The following PPP1R9A variants were observed in gnomAD, a reference collection of about 807,000 sequenced individuals.
PPP1R9A encodes neurabin-1.
PPP1R9A carries 59 observed loss-of-function variants against 141.9 expected under a neutral mutation model. That is an observed-to-expected ratio of 0.42 (90% CI 0.34 to 0.52). PPP1R9A has a LOEUF of 0.52. PPP1R9A is among the 20% of genes least tolerant of loss of function. The probability of loss-of-function intolerance (pLI) is 0.10; values close to 1 mark genes in which losing one functional copy is unlikely to be tolerated. For synonymous variants in PPP1R9A, 500 were observed against 569.7 expected (o/e 0.88, Z 1.74); for missense variants, 1,444 against 1,611.9 (o/e 0.90, Z 1.78).
chr7:94,919,755 A>T (rs904514211), intron 2 of PPP1R9A, among the ~76,000 whole-genome samples: 6 of 152,096 alleles, frequency 3.9e-5, no homozygotes, highest in African/African-American at 7.2e-5. Context: ...TATTTAGTTT[A>T]CTATGTATTG....
At chr7:95,145,805 C>G (rs1365321751) in intron 4 of PPP1R9A, among the ~76,000 whole-genome samples, 3 of 152,162 alleles carry the variant, frequency 2.0e-5, no homozygotes, top group African/African-American at 7.2e-5. Context: ...ACAGCTTCAT[C>G]CATGTCCCTG....
At chr7:94,970,001 C>T (rs1798683406) in intron 2 of PPP1R9A, among the ~76,000 whole-genome samples, 1 of 152,146 alleles carries the variant, frequency 6.6e-6, no homozygotes, top group South Asian at 2.1e-4. Context: ...CCTGCCCCCA[C>T]CAAGCTGGGG....
At chr7:94,964,009 C>CT (rs1797930503) in intron 2 of PPP1R9A, among the ~76,000 whole-genome samples, 1 of 152,096 alleles carries the variant, frequency 6.6e-6, no homozygotes, top group South Asian at 2.1e-4. Flanking sequence ...TTGGAGGGGT[C>CT]TTTTTTCCCT....
At chr7:95,236,143 A>G (rs1341715320) in intron 8 of PPP1R9A, among the ~76,000 whole-genome samples, 1 of 152,212 alleles carries the variant, frequency 6.6e-6, no homozygotes, top group Non-Finnish European at 1.5e-5. Flanking sequence ...TATTATAACA[A>G]CAACAAAAAA....
chr7:95,068,473 G>GAAAAAAAAAAAAAAAAAAAAAAAAAAAA (rs36043693), intron 2 of PPP1R9A, among the ~76,000 whole-genome samples: 1 of 94,208 alleles, frequency 1.1e-5, no homozygotes, highest in African/African-American at 4.1e-5. Flanking sequence ...CTTGTCTCAA[G>GAAAAAAAAAAAAAAAAAAAAAAAAAAAA]AAAAAAAAAA....
chr7:94,994,826 G>A (rs567019832), intron 2 of PPP1R9A, among the ~76,000 whole-genome samples: 7 of 151,936 alleles, frequency 4.6e-5, no homozygotes, highest in African/African-American at 9.6e-5. Flanking sequence ...CCTGGGAGGC[G>A]GAGGTTGCAG....
At chr7:95,260,456 A>C (rs1401482606) in intron 12 of PPP1R9A, among the ~76,000 whole-genome samples, 1 of 152,136 alleles carries the variant, frequency 6.6e-6, no homozygotes, top group Non-Finnish European at 1.5e-5. Flanking sequence ...AGGCGGGTGG[A>C]TCACCTGAGG....
chr7:94,970,767 C>T (rs1798778530), intron 2 of PPP1R9A, among the ~76,000 whole-genome samples: 1 of 151,772 alleles, frequency 6.6e-6, no homozygotes, highest in Non-Finnish European at 1.5e-5. Context: ...TCCTCAGTAG[C>T]TGGGACTACT....
At chr7:95,019,242 A>G (rs1805544576) in intron 2 of PPP1R9A, among the ~76,000 whole-genome samples, 1 of 152,122 alleles carries the variant, frequency 6.6e-6, no homozygotes, top group Non-Finnish European at 1.5e-5. Context: ...TGAAAGTACA[A>G]AAATTAGTTG....
intron 2 of PPP1R9A, among the ~76,000 whole-genome samples, chr7:95,088,441 T>C (rs1473181362): frequency 2.0e-5 from 3 of 151,954 alleles, no homozygotes; most frequent in Non-Finnish European, 4.4e-5. Flanking sequence ...CTGAAGTTCA[T>C]GGCACTGGGA....
intron 2 of PPP1R9A, among the ~76,000 whole-genome samples, chr7:95,087,320 A>G (rs1816757915): frequency 6.6e-6 from 1 of 152,076 alleles, no homozygotes; most frequent in Non-Finnish European, 1.5e-5. Context: ...CTCTAATCAA[A>G]TAGTCTCAAT....
chr7:95,217,707 A>G (rs1189148321), intron 7 of PPP1R9A, among the ~76,000 whole-genome samples: 1 of 152,092 alleles, frequency 6.6e-6, no homozygotes, highest in Admixed American at 6.6e-5. Context: ...AGGAGAGTGT[A>G]TGTGTCTGGG....
chr7:95,150,531 C>T (rs143297984), intron 4 of PPP1R9A, among the ~76,000 whole-genome samples: 1,566 of 152,222 alleles, frequency 0.01, 23 homozygotes, highest in African/African-American at 0.036. Context: ...TCTCGAACTC[C>T]TGACCTTGTT....
At chr7:95,205,684 G>T (rs1483093213) in intron 7 of PPP1R9A, among the ~76,000 whole-genome samples, 1 of 152,112 alleles carries the variant, frequency 6.6e-6, no homozygotes, top group Non-Finnish European at 1.5e-5. Context: ...TTGTATGTCA[G>T]CTTAATCCTG....
At chr7:95,197,855 G>T (rs906282919) in intron 5 of PPP1R9A, among the ~76,000 whole-genome samples, 2 of 151,510 alleles carry the variant, frequency 1.3e-5, no homozygotes, top group Non-Finnish European at 2.9e-5. Flanking sequence ...TGCCTTCTTG[G>T]CCAGGCTGCT....
intron 2 of PPP1R9A, among the ~76,000 whole-genome samples, chr7:94,923,911 A>G (rs1425573440): frequency 6.6e-6 from 1 of 152,220 alleles, no homozygotes; most frequent in Non-Finnish European, 1.5e-5. Context: ...AGTTCTGGTG[A>G]AGTCCTAATT....
intron 2 of PPP1R9A, among the ~76,000 whole-genome samples, chr7:95,105,341 G>A (rs1819358142): frequency 6.6e-6 from 1 of 152,112 alleles, no homozygotes; most frequent in Non-Finnish European, 1.5e-5. Context: ...ATAGCCTTGG[G>A]TTGTTCGTTC....
intron 2 of PPP1R9A, among the ~76,000 whole-genome samples, chr7:94,971,566 G>A (rs932778500): frequency 2.0e-5 from 3 of 152,126 alleles, no homozygotes; most frequent in African/African-American, 7.2e-5. Context: ...AGAATTCACA[G>A]TTTTCTATTC....
chr7:95,218,339 G>T (rs1393897591), intron 7 of PPP1R9A, among the ~76,000 whole-genome samples: 1 of 152,152 alleles, frequency 6.6e-6, no homozygotes, highest in East Asian at 1.9e-4. Context: ...GAGACAGTTT[G>T]TTATAATTTC....
Sources: gnomAD v4.1 joint callset for allele counts (sites outside exome capture counted in the v4.1 genomes callset) on GRCh38, gnomAD v4.1.1 for gene constraint, MANE v1.5 for transcripts, NCBI Gene and HGNC (gene_info 2026-07-23, HGNC 2026-07-21) for gene names.